The following CAPZB variants were observed in gnomAD, a reference collection of about 807,000 sequenced individuals.
CAPZB encodes F-actin-capping protein subunit beta.
CAPZB carries 2 observed loss-of-function variants against 38.1 expected under a neutral mutation model. The observed-to-expected ratio is 0.05, with a 90% confidence interval of 0.02 to 0.17. CAPZB has a LOEUF of 0.17. Ranked by LOEUF, CAPZB falls within the 10% of genes least tolerant of loss-of-function variation. The probability of loss-of-function intolerance (pLI) is 1.00; values close to 1 mark genes in which losing one functional copy is unlikely to be tolerated. For missense variants in CAPZB, 161 were observed against 334.2 expected, an observed-to-expected ratio of 0.48 and a Z score of 4.04; for synonymous variants, 107 against 127.4, an observed-to-expected ratio of 0.84 and a Z score of 1.08.
At chr1:19,393,131 C>T (rs1446081759) in intron 2 of CAPZB, among the ~76,000 whole-genome samples, 6 of 152,240 alleles carry the variant, frequency 3.9e-5, no homozygotes, top group African/African-American at 9.6e-5. Context: ...CACTGAGCCA[C>T]GGAAGCACAG....
At chr1:19,376,625 G>A (rs1319616818) in intron 4 of CAPZB, among the ~76,000 whole-genome samples, 3 of 152,190 alleles carry the variant, frequency 2.0e-5, no homozygotes, top group Non-Finnish European at 4.4e-5. Flanking sequence ...GTCTCCTCAA[G>A]AGGCCTCATG....
intron 2 of CAPZB, among the ~76,000 whole-genome samples, chr1:19,417,642 C>T (rs774830269): frequency 1.2e-4 from 18 of 152,202 alleles, no homozygotes; most frequent in Non-Finnish European, 2.6e-4. Flanking sequence ...CTCACCACAT[C>T]AAGTCCAAGG....
intron 1 of CAPZB, among the ~76,000 whole-genome samples, chr1:19,471,661 A>T (rs4912101): frequency 4.0e-5 from 6 of 151,826 alleles, no homozygotes; most frequent in African/African-American, 7.3e-5. Flanking sequence ...TCAGGAGATC[A>T]AGACCATCCT....
chr1:19,483,796 C>T (rs897487451), intron 1 of CAPZB, among the ~76,000 whole-genome samples: 15 of 152,176 alleles, frequency 9.9e-5, no homozygotes, highest in Admixed American at 1.3e-4. Flanking sequence ...TGGACAAATC[C>T]GAAGGCCTTA....
At chr1:19,422,881 G>A (rs552469130) in intron 1 of CAPZB, among the ~76,000 whole-genome samples, 5 of 152,208 alleles carry the variant, frequency 3.3e-5, no homozygotes, top group South Asian at 4.2e-4. Context: ...AATTTGAAAC[G>A]GTGATCCAGA....
intron 1 of CAPZB, among the ~76,000 whole-genome samples, chr1:19,431,066 A>G (rs2094440206): frequency 6.6e-6 from 1 of 152,210 alleles, no homozygotes; most frequent in East Asian, 1.9e-4. Flanking sequence ...TAAACGGTGG[A>G]AAATTGAGGC....
At chr1:19,340,517 C>T (rs557284091) in intron 8 of CAPZB, among the ~76,000 whole-genome samples, 21 of 152,306 alleles carry the variant, frequency 1.4e-4, no homozygotes, top group African/African-American at 2.6e-4. Flanking sequence ...TTAATTTTCA[C>T]GGGCATCCTG....
At chr1:19,434,240 G>A (rs527288195) in intron 1 of CAPZB, among the ~76,000 whole-genome samples, 18 of 152,204 alleles carry the variant, frequency 1.2e-4, no homozygotes, top group South Asian at 6.2e-4. Flanking sequence ...GCCCATACTC[G>A]CCATTTCCTA....
chr1:19,402,524 G>A (rs1332819205), intron 2 of CAPZB, among the ~76,000 whole-genome samples: 2 of 152,176 alleles, frequency 1.3e-5, no homozygotes, highest in Non-Finnish European at 1.5e-5. Flanking sequence ...GGACCCATGT[G>A]GCCTGAATCA....
At chr1:19,452,966 A>C (rs2094521616) in intron 1 of CAPZB, among the ~76,000 whole-genome samples, 1 of 151,370 alleles carries the variant, frequency 6.6e-6, no homozygotes, top group Non-Finnish European at 1.5e-5. Flanking sequence ...ACCATGCCCA[A>C]CTAATTTTTT....
intron 1 of CAPZB, 58 bp downstream of exon 1, chr1:19,485,377 AG>A: frequency 9.0e-7 from 1 of 1,109,846 alleles, no homozygotes; most frequent in African/African-American, 1.6e-5. Flanking sequence ...GGGCAGGGGG[AG>A]GGGGACGCGA....
rs956054059 is a variant in CAPZB at position 19,344,542 on chromosome 1, G to A, written c.655-108C>T. The stretch of plus-strand genomic sequence containing the variant: ...GTCCCCAGTGTGGCCACTGGAGGGT[G>A]GCACACGCCTGCTCTGGGGCATCAG... On this transcript the variant is annotated intron_variant, in intron 7 of 8. Coordinates refer to ENST00000264202, the MANE Select transcript of CAPZB (RefSeq NM_004930.5). The A allele has an allele frequency of 8.3e-6, 7 of 844,148 alleles. No homozygotes were observed. In the African/African-American group the frequency reaches 8.3e-5, roughly 10 times the overall value. 52.3% of individuals were successfully genotyped at this position (844,148 alleles called of 1,614,324 possible).
At chr1:19,484,317 C>G in intron 1 of CAPZB, 1 of 1,556,426 alleles carries the variant, frequency 6.4e-7, no homozygotes, top group Non-Finnish European at 8.7e-7. Flanking sequence ...GGCCTGGTGG[C>G]CCCCCAAGGC....
chr1:19,362,745 G>C (rs181019939), intron 4 of CAPZB, among the ~76,000 whole-genome samples: 2 of 152,140 alleles, frequency 1.3e-5, no homozygotes, highest in African/African-American at 4.8e-5. Context: ...CAGACAGCAC[G>C]GGCAGCACAG....
chr1:19,465,902 G>A (rs1279255607), intron 1 of CAPZB, among the ~76,000 whole-genome samples: 7 of 152,142 alleles, frequency 4.6e-5, no homozygotes, highest in Non-Finnish European at 1.0e-4. Context: ...CCCTATATGT[G>A]CTAGGTATGA....
chr1:19,449,847 GA>G, intron 1 of CAPZB, among the ~76,000 whole-genome samples: 1 of 150,794 alleles, frequency 6.6e-6, no homozygotes, highest in Non-Finnish European at 1.5e-5. Flanking sequence ...GAAAGAGAAA[GA>G]AAAAAATATA....
chr1:19,340,328 C>T (rs1485254695), intron 8 of CAPZB, among the ~76,000 whole-genome samples: 6 of 152,182 alleles, frequency 3.9e-5, no homozygotes, highest in Non-Finnish European at 5.9e-5. Flanking sequence ...TTGCAAAGGG[C>T]GGCACAGGAC....
At position 19,386,224 on chromosome 1, in the gene CAPZB, G is replaced by A. The variant is rs567225789; in HGVS notation, c.94-598C>T. Among the ~76,000 whole-genome samples, 11 of 152,272 alleles carry A rather than the reference G, an allele frequency of 7.2e-5. No homozygotes were observed. In the South Asian group the frequency reaches 2.1e-3, roughly 29 times the overall value. On this transcript the variant is annotated intron_variant, in intron 2 of 8. Coordinates refer to ENST00000264202, the MANE Select transcript of CAPZB (RefSeq NM_004930.5). ...CCTCCGGCTGGCCTGCCAGGGGGCC[G>A]CCTCACCAAGAAAGATGACCCCGCG... is the stretch of plus-strand genomic sequence containing the variant.
intron 1 of CAPZB, among the ~76,000 whole-genome samples, chr1:19,473,281 T>C (rs1436600002): frequency 6.6e-6 from 1 of 152,218 alleles, no homozygotes; most frequent in Non-Finnish European, 1.5e-5. Context: ...TGTGATGTTT[T>C]ACAAGTATTT....
Sources: gnomAD v4.1 joint callset for allele counts (sites outside exome capture counted in the v4.1 genomes callset) on GRCh38, gnomAD v4.1.1 for gene constraint, MANE v1.5 for transcripts, NCBI Gene and HGNC (gene_info 2026-07-23, HGNC 2026-07-21) for gene names.